DMRT1: variants seen among roughly 807,000 people sequenced by gnomAD.
DMRT1 encodes the protein doublesex and mab-3 related transcription factor 1, also known as doublesex- and mab-3-related transcription factor 1.
In DMRT1, 7 loss-of-function variants were observed where a neutral mutation model predicts 32.3. The ratio of observed to expected loss-of-function variants is 0.22; its 90% CI spans 0.12 to 0.41. The LOEUF is 0.41. Ranked by LOEUF, DMRT1 falls within the 10% of genes least tolerant of loss-of-function variation. The pLI is 1.00. For missense variants in DMRT1, 625 were observed against 500.5 expected, an observed-to-expected ratio of 1.25 and a Z score of -2.37; for synonymous variants, 278 against 206.1, an observed-to-expected ratio of 1.35 and a Z score of -2.99.
At chr9:964,652 G>A (rs1321306203) in intron 4 of DMRT1, among the ~76,000 whole-genome samples, 1 of 152,004 alleles carries the variant, frequency 6.6e-6, no homozygotes, top group African/African-American at 2.4e-5. Flanking sequence ...CCCAACCCCA[G>A]TGCAGCTGGC....
At chr9:906,784 C>G (rs969522227) in intron 3 of DMRT1, among the ~76,000 whole-genome samples, 1 of 152,198 alleles carries the variant, frequency 6.6e-6, no homozygotes, top group African/African-American at 2.4e-5. Context: ...GGTCTTTATA[C>G]TAAGCAGATA....
rs373343322 is a variant in DMRT1, at chr9:841,896, C to T, written c.58C>T (p.Pro20Ser). The change falls in exon 1 of 5, where the codon CCC (proline) becomes TCC (serine). Residue 20 changes from proline (P) to serine (S), a missense_variant. By Grantham distance (74) the Pro-to-Ser change is moderately conservative. Around this residue, in one of 3 missense-constraint regions of DMRT1, gnomAD observed 201 missense variants for 152.0 expected, o/e 1.32. Coordinates refer to ENST00000382276, the MANE Select transcript of DMRT1 (RefSeq NM_021951.3). ...PSTPSEAPHA[P>S]GVPPQGRAGG... is the part of the protein sequence containing the mutation. The stretch of plus-strand genomic sequence containing the variant: ...TACACCGTCGGAAGCCCCTCACGCC[C>T]CCGGGGTACCGCCGCAGGGCAGAGC... The T allele has an allele frequency of 8.1e-6, 13 of 1,611,608 alleles. No individual in the cohort carries two copies. Among genetic ancestry groups the T allele is most frequent in the East Asian group, 2.2e-5 (1 of 44,820 alleles).
intron 4 of DMRT1, 100 bp downstream of exon 4, chr9:917,007 G>T: frequency 1.5e-6 from 2 of 1,366,204 alleles, no homozygotes; most frequent in Admixed American, 3.4e-5. Flanking sequence ...GTTAGTAATT[G>T]TTGGAAATTT....
chr9:967,359 C>T (rs1187889657), intron 4 of DMRT1, among the ~76,000 whole-genome samples: 2 of 152,104 alleles, frequency 1.3e-5, no homozygotes, highest in Non-Finnish European at 2.9e-5. Context: ...ATTTATCTGA[C>T]TTCTATTTTA....
chr9:927,536 G>C (rs1818568343), intron 4 of DMRT1, among the ~76,000 whole-genome samples: 1 of 152,178 alleles, frequency 6.6e-6, no homozygotes, highest in Non-Finnish European at 1.5e-5. Flanking sequence ...TCCAAATTGA[G>C]TTATGTCAGA....
intron 4 of DMRT1, among the ~76,000 whole-genome samples, chr9:931,435 G>A (rs143358394): frequency 1.3e-5 from 2 of 152,338 alleles, no homozygotes; most frequent in East Asian, 3.9e-4. Flanking sequence ...GAGCAGTCCA[G>A]GCTGTGTTAT....
intron 3 of DMRT1, among the ~76,000 whole-genome samples, chr9:901,325 G>C (rs1586590575): frequency 1.3e-5 from 2 of 149,582 alleles, no homozygotes; most frequent in African/African-American, 4.9e-5. Flanking sequence ...CCAATTTTTT[G>C]TGTGTTTGTT....
chr9:860,487 C>G (rs1448862090), intron 2 of DMRT1, among the ~76,000 whole-genome samples: 1 of 152,080 alleles, frequency 6.6e-6, no homozygotes, highest in Non-Finnish European at 1.5e-5. Context: ...CATTTTACTT[C>G]TTTATTCGTT....
At chr9:897,903 T>A (rs989268203) in intron 3 of DMRT1, among the ~76,000 whole-genome samples, 1 of 152,200 alleles carries the variant, frequency 6.6e-6, no homozygotes, top group African/African-American at 2.4e-5. Context: ...GATTTCTGTA[T>A]CTTTGGGGAA....
rs1170214043 is a variant in DMRT1 at position 844,715 on chromosome 9, C to CTTTTTTTTTTTTTTTTTTTTTTTTT, written c.355-2242_355-2241insTTTTTTTTTTTTTTTTTTTTTTTTT. Among the ~76,000 whole-genome samples, 2 of 135,698 alleles carry CTTTTTTTTTTTTTTTTTTTTTTTTT rather than the reference C, an allele frequency of 1.5e-5. 1 individual carries two copies. The allele number at this position is 135,698 out of a possible 152,430, so 89.0% of individuals were successfully genotyped here. On this transcript the variant is annotated intron_variant, in intron 1 of 4. Transcript: ENST00000382276. ...AAATTGTAGTTGTTTTTCTTTCTTT[C>CTTTTTTTTTTTTTTTTTTTTTTTTT]TTTCTTTTTTTTTTTTTTTTTTGAG...
chr9:874,091 T>G (rs1816391487), intron 2 of DMRT1, among the ~76,000 whole-genome samples: 1 of 152,226 alleles, frequency 6.6e-6, no homozygotes, highest in Non-Finnish European at 1.5e-5. Context: ...AGTGAGATTT[T>G]AGCATTGGCA....
At chr9:949,645 G>A (rs1483929867) in intron 4 of DMRT1, among the ~76,000 whole-genome samples, 1 of 152,148 alleles carries the variant, frequency 6.6e-6, no homozygotes, top group Admixed American at 6.6e-5. Context: ...GTTAACTGTA[G>A]GCACTAAGCT....
chr9:938,609 C>A (rs561402348), intron 4 of DMRT1, among the ~76,000 whole-genome samples: 104 of 152,246 alleles, frequency 6.8e-4, no homozygotes, highest in Non-Finnish European at 1.0e-3. Flanking sequence ...TTATATCCTG[C>A]AACTTTGCTG....
chr9:873,935 G>GA (rs1163061056), intron 2 of DMRT1, among the ~76,000 whole-genome samples: 1 of 152,148 alleles, frequency 6.6e-6, no homozygotes, highest in Admixed American at 6.5e-5. Context: ...AGAAATATAG[G>GA]AAGTGGGCAT....
chr9:862,258 G>A (rs879144516), intron 2 of DMRT1, among the ~76,000 whole-genome samples: 5 of 152,108 alleles, frequency 3.3e-5, no homozygotes, highest in Admixed American at 2.6e-4. Flanking sequence ...CCGGCACCTC[G>A]GGAGGCCGAG....
chr9:941,475 A>T (rs1819069615), intron 4 of DMRT1, among the ~76,000 whole-genome samples: 1 of 152,200 alleles, frequency 6.6e-6, no homozygotes, highest in African/African-American at 2.4e-5. Flanking sequence ...TGTTTAAGGT[A>T]CTTAGAGTAG....
In DMRT1 at chr9:916,804, C is replaced by T. The variant is rs1564249229; in HGVS notation, c.864C>T (p.Tyr288=). 1.1e-5 allele frequency: 18 copies of T among 1,614,216 alleles called. No homozygotes were observed. The highest frequency in any genetic ancestry group is 1.4e-5 in the Non-Finnish European group (17 of 1,180,032). Residue 288 remains tyrosine, a synonymous_variant, in exon 4 of 5, where the codon TAC becomes TAT. Transcript: ENST00000382276. ...MENRHAMSSQ[Y]RMHSYYPPPS... ...ACCGCCATGCAATGAGCTCCCAGTA[C>T]AGGATGCATTCTTACTACCCGCCTC...
intron 3 of DMRT1, among the ~76,000 whole-genome samples, chr9:907,144 T>C (rs1432690783): frequency 6.6e-6 from 1 of 152,204 alleles, no homozygotes; most frequent in Non-Finnish European, 1.5e-5. Flanking sequence ...AGAAGCATTG[T>C]AGATGCCTTC....
At chr9:958,436 A>G (rs1326312362) in intron 4 of DMRT1, among the ~76,000 whole-genome samples, 1 of 152,154 alleles carries the variant, frequency 6.6e-6, no homozygotes, top group Non-Finnish European at 1.5e-5. Context: ...GCGTGATCTC[A>G]GCTTACTGCA....
Sources: allele counts gnomAD v4.1 joint callset (sites outside exome capture counted in the v4.1 genomes callset), GRCh38; gene constraint gnomAD v4.1.1; regional missense constraint gnomAD v4.1.1; transcripts MANE v1.5; gene names NCBI Gene and HGNC (gene_info 2026-07-23, HGNC 2026-07-21).